The following AHNAK variants were observed in gnomAD, a reference collection of about 807,000 sequenced individuals.
AHNAK encodes the protein AHNAK nucleoprotein, also known as neuroblast differentiation-associated protein AHNAK.
Under a neutral mutation model 37.8 loss-of-function variants are expected in AHNAK, and 23 were observed. The ratio of observed to expected loss-of-function variants is 0.61; its 90% CI spans 0.44 to 0.86. The LOEUF is 0.86. Among genes scored for constraint, AHNAK ranks in the 40% least tolerant of loss-of-function variants. The probability of loss-of-function intolerance (pLI) is 0.00; values close to 1 mark genes in which losing one functional copy is unlikely to be tolerated. For synonymous variants in AHNAK, 2,481 were observed against 2,636.3 expected (o/e 0.94, Z 1.80); for missense variants, 7,411 against 7,319.4 (o/e 1.01, Z -0.46).
In AHNAK at chr11:62,518,081, G is replaced by A. The variant is rs755827733; in HGVS notation, c.16336C>T (p.Arg5446Trp). 8 of 1,614,130 alleles carry A rather than the reference G, an allele frequency of 5.0e-6. No homozygotes were observed. The highest frequency in any genetic ancestry group is 2.2e-5 in the South Asian group (2 of 91,072). ...PGVDVNLKGP[R>W]ISAPNVDFNL... ...AAGTCCACATTCGGTGCTGAAATCC[G>A]AGGCCCTTTCAGGTTCACATCCACA... Residue 5446 changes from arginine to tryptophan, a missense_variant, in exon 5 of 5, where the codon CGG (arginine) becomes TGG (tryptophan). By Grantham distance (101) the Arg-to-Trp change is moderately radical. Transcript: ENST00000378024.
chr11:62,514,481 C>A (rs373920406), downstream of AHNAK, among the ~76,000 whole-genome samples: 22 of 152,300 alleles, frequency 1.4e-4, 1 homozygote, highest in South Asian at 4.4e-3. Context: ...CCCAGTGCAG[C>A]AGGGGGTTTC....
At chr11:62,545,854 G>C (rs1449454855) in intron 1 of AHNAK, 1 of 152,104 alleles carries the variant, frequency 6.6e-6, no homozygotes, top group African/African-American at 2.4e-5. Flanking sequence ...GCCCGGACGG[G>C]TTTGGGAGTT....
chr11:62,469,077 A>AGG (rs1385543463), intron 5 of AHNAK, among the ~76,000 whole-genome samples: 5 of 152,086 alleles, frequency 3.3e-5, no homozygotes, highest in Admixed American at 3.3e-4. Flanking sequence ...TCTGCCTCCT[A>AGG]GCTTGGTGTG....
At chr11:62,509,227 T>A (rs1223907134) in intron 4 of AHNAK, among the ~76,000 whole-genome samples, 1 of 150,340 alleles carries the variant, frequency 6.7e-6, no homozygotes, top group African/African-American at 2.5e-5. Context: ...TTCAAAAATA[T>A]CAGTGCCATG....
Position 62,521,599 on chromosome 11 carries a change from C to T in AHNAK, c.12818G>A (p.Gly4273Asp). The T allele has an allele frequency of 2.5e-6, 4 of 1,612,122 alleles. No individual in the cohort carries two copies. Among genetic ancestry groups the T allele is most frequent in the Non-Finnish European group, 3.4e-6 (4 of 1,179,594 alleles). The change falls in exon 5 of 5, where the codon GGT (glycine) becomes GAT (aspartate). Residue 4273 changes from glycine to aspartate, a missense_variant. Physicochemically the swap from Gly to Asp is moderately conservative, Grantham distance 94. Transcript: ENST00000378024. ...DLHLKGPKVKGDVDVSLPKVE... is the reference protein window; with the variant it reads ...DLHLKGPKVKDDVDVSLPKVE... ...TTTAGGAAGGGAAACATCCACATCA[C>T]CCTTCACCTTGGGACCTTTCAGATG...
intron 4 of AHNAK, among the ~76,000 whole-genome samples, chr11:62,496,374 C>T (rs1939609150): frequency 1.3e-5 from 2 of 152,120 alleles, no homozygotes; most frequent in Non-Finnish European, 2.9e-5. Flanking sequence ...TTAAGATACT[C>T]TATGAGTCTA....
At position 62,518,792 on chromosome 11, in the gene AHNAK, T is replaced by G; in HGVS notation, c.15625A>C (p.Lys5209Gln). ...AGTCCCACGCTGGGGACATCACCCT[T>G]TATCTTTGGTCCTTTCAAGTTTACA... ...VNVNLKGPKI[K>Q]GDVPSVGLEG... Residue 5209 changes from lysine (K) to glutamine (Q), a missense_variant, in exon 5 of 5, where the codon AAG becomes CAG. By Grantham distance (53) the Lys-to-Gln change is moderately conservative. Coordinates refer to ENST00000378024, the MANE Select transcript of AHNAK (RefSeq NM_001620.3). 1 of 1,614,222 alleles carries G rather than the reference T, an allele frequency of 6.2e-7. No homozygotes were observed.
chr11:62,502,489 C>CG (rs1939730480), intron 4 of AHNAK, among the ~76,000 whole-genome samples: 1 of 152,108 alleles, frequency 6.6e-6, no homozygotes, highest in Non-Finnish European at 1.5e-5. Context: ...ATGAAGTGAT[C>CG]GGTTAGTGAT....
intron 1 of AHNAK, among the ~76,000 whole-genome samples, chr11:62,540,871 G>A (rs1941101485): frequency 6.6e-6 from 1 of 152,184 alleles, no homozygotes. Flanking sequence ...ACTGCAAAGA[G>A]GATGTGCCGA....
chr11:62,491,889 C>A (rs1362762670), intron 4 of AHNAK: 58 of 1,474,450 alleles, frequency 3.9e-5, no homozygotes, highest in Non-Finnish European at 5.2e-5. Context: ...TCAATGAGCA[C>A]TTTTCAAATG....
chr11:62,484,602 C>T (rs952734361), intron 5 of AHNAK, among the ~76,000 whole-genome samples: 3 of 152,028 alleles, frequency 2.0e-5, no homozygotes, highest in African/African-American at 7.3e-5. Context: ...GCAAGGAGCC[C>T]CTGTGGCCAG....
At chr11:62,464,841 AAAG>A (rs1310130081) in intron 5 of AHNAK, among the ~76,000 whole-genome samples, 3 of 152,084 alleles carry the variant, frequency 2.0e-5, no homozygotes, top group Non-Finnish European at 4.4e-5. Context: ...AAAAAAAGAA[AAAG>A]AAGTACACGC....
Position 62,472,023 on chromosome 11 carries a change from G to A in AHNAK, c.442+19709C>T, listed in dbSNP as rs1939045727. 2.0e-5 allele frequency among the ~76,000 whole-genome samples: 3 copies of A among 152,044 alleles called. No individual in the cohort carries two copies. In the South Asian group the frequency reaches 6.2e-4, roughly 32 times the overall value. On this transcript the variant is annotated intron_variant, in intron 5 of 5. Coordinates refer to the AHNAK transcript ENST00000257247. The stretch of plus-strand genomic sequence containing the variant: ...GGTCATCTCCCCTTGGAGCCAGGAG[G>A]CTGCCCATGACCCGGGTCCTCCTCA...
intron 1 of AHNAK, among the ~76,000 whole-genome samples, chr11:62,538,264 T>A (rs1257396428): frequency 6.6e-6 from 1 of 152,174 alleles, no homozygotes; most frequent in East Asian, 1.9e-4. Context: ...TGAGCCCACC[T>A]TGGCCCACAG....
At chr11:62,493,324 C>G (rs1237405398) in intron 4 of AHNAK, among the ~76,000 whole-genome samples, 1 of 130,932 alleles carries the variant, frequency 7.6e-6, no homozygotes, top group African/African-American at 3.4e-5. Context: ...TGTTTTCTTT[C>G]TTTCTTTCTT....
At chr11:62,539,742 G>A (rs989220752) in intron 1 of AHNAK, among the ~76,000 whole-genome samples, 24 of 152,316 alleles carry the variant, frequency 1.6e-4, no homozygotes, top group Admixed American at 8.5e-4. Flanking sequence ...CATTGGACCC[G>A]AAGCTGCAGG....
At chr11:62,493,062 AG>A (rs1939533071) in intron 4 of AHNAK, among the ~76,000 whole-genome samples, 1 of 131,134 alleles carries the variant, frequency 7.6e-6, no homozygotes, top group African/African-American at 3.0e-5. Context: ...CCCAGGCTGG[AG>A]GGCAGTGGCC....
At chr11:62,543,824 C>T (rs1941209704) in intron 1 of AHNAK, among the ~76,000 whole-genome samples, 1 of 152,246 alleles carries the variant, frequency 6.6e-6, no homozygotes, top group Non-Finnish European at 1.5e-5. Context: ...AAATCCTCCC[C>T]AGCGGCCATC....
intron 5 of AHNAK, among the ~76,000 whole-genome samples, chr11:62,447,145 A>G (rs1215018641): frequency 2.0e-5 from 3 of 152,172 alleles, no homozygotes; most frequent in Admixed American, 1.3e-4. Context: ...ACCTCCCTGC[A>G]TCAATTAACC....
Sources: gnomAD v4.1 joint callset for allele counts (sites outside exome capture counted in the v4.1 genomes callset) on GRCh38, gnomAD v4.1.1 for gene constraint, MANE v1.5 for transcripts, NCBI Gene and HGNC (gene_info 2026-07-23, HGNC 2026-07-21) for gene names.